PPOX: variants seen among roughly 807,000 people sequenced by gnomAD.
The protein encoded by PPOX is protoporphyrinogen oxidase.
Under a neutral mutation model 54.1 loss-of-function variants are expected in PPOX, and 23 were observed. The ratio of observed to expected loss-of-function variants is 0.43; its 90% CI spans 0.31 to 0.60. The LOEUF is 0.60. Among genes scored for constraint, PPOX ranks in the 20% least tolerant of loss-of-function variants. The pLI, the probability that PPOX is intolerant of heterozygous loss-of-function variation, is 0.13. For synonymous variants in PPOX, 224 were observed against 236.1 expected (o/e 0.95, Z 0.47); for missense variants, 512 against 601.1 (o/e 0.85, Z 1.55).
chr1:161,166,341 T>C, upstream of PPOX: 1 of 1,039,264 alleles, frequency 9.6e-7, no homozygotes, highest in Non-Finnish European at 1.2e-6. Flanking sequence ...AATGTTTTAT[T>C]GGTGAACGTG....
Position 161,171,186 on chromosome 1 carries a change from C to G in PPOX, c.*10C>G. 1 of 1,613,100 alleles carries G rather than the reference C, an allele frequency of 6.2e-7. No individual in the cohort carries two copies. The highest frequency in any genetic ancestry group is 8.5e-7 in the Non-Finnish European group (1 of 1,180,046). On this transcript the variant is annotated 3_prime_UTR_variant, in exon 13 of 13. Coordinates refer to ENST00000367999, the MANE Select transcript of PPOX (RefSeq NM_001122764.3). The stretch of plus-strand genomic sequence containing the variant: ...AGAACCTAACAGCTGATCCCCAACT[C>G]TCATTCATGAAAATAAAAATTGCTG...
chr1:161,166,802 C>T, intron 1 of PPOX, 38 bp from the exon 2 acceptor site: 10 of 1,607,464 alleles, frequency 6.2e-6, no homozygotes, highest in Non-Finnish European at 7.6e-6. Flanking sequence ...CGCAGGTTGT[C>T]CCCGGTCTGC....
downstream of PPOX, chr1:161,172,396 G>A: frequency 1.4e-6 from 2 of 1,402,936 alleles, no homozygotes; most frequent in South Asian, 1.3e-5. Flanking sequence ...GGGATTAAAT[G>A]TTTCTGTACA....
chr1:161,172,483 T>A, downstream of PPOX: 1 of 646,876 alleles, frequency 1.5e-6, no homozygotes, highest in Non-Finnish European at 2.6e-6. Context: ...AAGAAGGAAA[T>A]GGCTGAAGAG....
chr1:161,169,248 T>G, intron 7 of PPOX, 65 bp downstream of exon 7: 1 of 1,575,530 alleles, frequency 6.3e-7, no homozygotes, highest in South Asian at 1.1e-5. Flanking sequence ...GTGGCTTAAC[T>G]AGGCCAGGGC....
intron 4 of PPOX, chr1:161,176,355 C>T (rs1663514846): frequency 1.9e-6 from 1 of 515,864 alleles, no homozygotes; most frequent in African/African-American, 1.9e-5. Flanking sequence ...ATGTTTACAT[C>T]ATTCAAATCT....
chr1:161,171,913 G>A (rs764451166), downstream of PPOX: 7 of 1,614,216 alleles, frequency 4.3e-6, no homozygotes, highest in Non-Finnish European at 5.9e-6. Context: ...GAAGGCTTGG[G>A]AGGAACCAGG....
downstream of PPOX, chr1:161,174,136 GGT>G: frequency 7.1e-7 from 1 of 1,415,066 alleles, no homozygotes; most frequent in East Asian, 2.3e-5. Flanking sequence ...GGCCGGGCGC[GGT>G]GGCTTACGCC....
downstream of PPOX, chr1:161,175,304 T>C: frequency 1.5e-6 from 2 of 1,306,828 alleles, no homozygotes; most frequent in Non-Finnish European, 2.1e-6. Flanking sequence ...TGGGAATACC[T>C]CTGACACTGG....
downstream of PPOX, chr1:161,171,342 C>CA (rs1661366238): frequency 8.3e-7 from 1 of 1,201,910 alleles, no homozygotes. Context: ...GAAAATATAT[C>CA]AAAATCCCAG....
At position 161,167,504 on chromosome 1, in the gene PPOX, G is replaced by T; in HGVS notation, c.338+18G>T. The T allele has an allele frequency of 6.2e-7, 1 of 1,604,532 alleles. No homozygotes were observed. The highest frequency in any genetic ancestry group is 8.5e-7 in the Non-Finnish European group (1 of 1,177,670). Reference sequence around the variant, plus strand: ...GGCCTCAGGTAACACCAGCACCTCCGCTCCTTTTACTGTGCCCTCATCCTC... The same window carrying T: ...GGCCTCAGGTAACACCAGCACCTCCTCTCCTTTTACTGTGCCCTCATCCTC... On this transcript the variant is annotated intron_variant, in intron 4 of 12. Coordinates refer to ENST00000367999, the MANE Select transcript of PPOX (RefSeq NM_001122764.3).
downstream of PPOX, chr1:161,175,706 C>T (rs1663245915): frequency 2.0e-6 from 3 of 1,523,582 alleles, no homozygotes; most frequent in South Asian, 1.3e-5. Flanking sequence ...TACCTATCCT[C>T]TTCTAAGTTC....
chr1:161,174,324 G>A (rs1662646330), downstream of PPOX, among the ~76,000 whole-genome samples: 1 of 151,348 alleles, frequency 6.6e-6, no homozygotes, highest in Admixed American at 6.6e-5. Flanking sequence ...GGAGAATGGC[G>A]TAAAACCCGG....
downstream of PPOX, chr1:161,173,458 T>C (rs1662250880): frequency 2.5e-6 from 3 of 1,183,842 alleles, no homozygotes; most frequent in Non-Finnish European, 3.6e-6. Flanking sequence ...CTGACCTGGG[T>C]ATCCTAAAAA....
rs1663631955 is a variant in PPOX, at chr1:161,176,639, G to A, written c.373-210G>A. ...TGCACCGCCAGAGATCAGGATCAGGGTGAAGCTGGTTTCCCAGCAGGCGAA... is the reference window on the plus strand; with the variant it reads ...TGCACCGCCAGAGATCAGGATCAGGATGAAGCTGGTTTCCCAGCAGGCGAA... On this transcript the variant is annotated intron_variant, in intron 4 of 4. Coordinates refer to the PPOX transcript ENST00000497522. 5.1e-6 allele frequency: 3 copies of A among 585,608 alleles called. No homozygotes were observed. In the South Asian group the frequency reaches 6.3e-5, roughly 12 times the overall value. 36.3% of individuals were successfully genotyped at this position (585,608 alleles called of 1,614,324 possible).
At chr1:161,174,776 A>G, downstream of PPOX, 1 of 550,190 alleles carries the variant, frequency 1.8e-6, no homozygotes, top group Non-Finnish European at 3.2e-6. Context: ...AGAAAAAATC[A>G]CAGGAGAGTG....
chr1:161,170,830 C>A, intron 11 of PPOX, 61 bp downstream of exon 11: 1 of 1,613,560 alleles, frequency 6.2e-7, no homozygotes, highest in African/African-American at 1.3e-5. Flanking sequence ...GAGACTGGAA[C>A]ATTTGTCACT....
downstream of PPOX, chr1:161,171,418 T>C: frequency 1.5e-6 from 1 of 669,506 alleles, no homozygotes; most frequent in Non-Finnish European, 2.5e-6. Flanking sequence ...AGGGAGGGGC[T>C]TCCTTCACCA....
Position 161,169,079 on chromosome 1 carries a change from A to G in PPOX, c.703A>G (p.Met235Val), listed in dbSNP as rs1249411740. The stretch of plus-strand genomic sequence containing the variant: ...GTGGTCACTTCGTGGAGGTCTAGAG[A>G]TGTTGCCTCAGGCCCTTGAAACCCA... ...SQWSLRGGLE[M>V]LPQALETHLT... Residue 235 changes from methionine to valine, a missense_variant, in exon 7 of 13, where the codon ATG (methionine) becomes GTG (valine). Met to Val is a conservative substitution (Grantham distance 21). Transcript: ENST00000367999. 1 of 1,614,084 alleles carries G rather than the reference A, an allele frequency of 6.2e-7. No homozygotes were observed.
Sources: gnomAD v4.1 joint callset for allele counts (sites outside exome capture counted in the v4.1 genomes callset) on GRCh38, gnomAD v4.1.1 for gene constraint, MANE v1.5 for transcripts, NCBI Gene and HGNC (gene_info 2026-07-23, HGNC 2026-07-21) for gene names.